Variants in DLG1 observed in about 807,000 individuals in gnomAD.
The protein encoded by DLG1 is discs large MAGUK scaffold protein 1.
In DLG1, 42 loss-of-function variants were observed where a neutral mutation model predicts 123.4. The ratio of observed to expected loss-of-function variants is 0.34; its 90% CI spans 0.27 to 0.44. DLG1 has a LOEUF of 0.44. Ranked by LOEUF, DLG1 falls within the 20% of genes least tolerant of loss-of-function variation. The probability of loss-of-function intolerance (pLI) is 1.00; values close to 1 mark genes in which losing one functional copy is unlikely to be tolerated. For missense variants in DLG1, 942 were observed against 1,082.6 expected, an observed-to-expected ratio of 0.87 and a Z score of 1.82; for synonymous variants, 317 against 356.2, an observed-to-expected ratio of 0.89 and a Z score of 1.24.
chr3:197,178,969 G>C (rs1050942010), intron 5 of DLG1, among the ~76,000 whole-genome samples: 3 of 152,144 alleles, frequency 2.0e-5, no homozygotes, highest in African/African-American at 7.2e-5. Flanking sequence ...AAGAGAGAAA[G>C]GGATTTCAGA....
chr3:197,203,921 G>A (rs1345399762), intron 4 of DLG1, among the ~76,000 whole-genome samples: 2 of 152,156 alleles, frequency 1.3e-5, no homozygotes, highest in Admixed American at 6.5e-5. Flanking sequence ...TTAGGGTAAG[G>A]AAGACAATGA....
intron 15 of DLG1, among the ~76,000 whole-genome samples, chr3:197,088,857 G>C (rs985751825): frequency 6.6e-6 from 1 of 152,176 alleles, no homozygotes; most frequent in African/African-American, 2.4e-5. Context: ...GAAGAAAGGA[G>C]GCAGCTCATA....
At chr3:197,294,163 AT>A (rs1335834971) in intron 3 of DLG1, among the ~76,000 whole-genome samples, 1 of 152,152 alleles carries the variant, frequency 6.6e-6, no homozygotes, top group Non-Finnish European at 1.5e-5. Context: ...CAATTATAGC[AT>A]GGAAACACAC....
intron 4 of DLG1, among the ~76,000 whole-genome samples, chr3:197,258,552 A>G (rs545102545): frequency 3.7e-4 from 56 of 152,208 alleles, no homozygotes; most frequent in Non-Finnish European, 7.1e-4. Context: ...GTGCCTACAC[A>G]AGTGGGAGAG....
intron 24 of DLG1, among the ~76,000 whole-genome samples, chr3:197,047,284 T>G (rs976364000): frequency 2.0e-5 from 3 of 152,186 alleles, no homozygotes; most frequent in Admixed American, 6.5e-5. Flanking sequence ...TGAAACTTAC[T>G]CTCAAGTGTA....
At chr3:197,177,258 C>T (rs1033618475) in intron 5 of DLG1, among the ~76,000 whole-genome samples, 2 of 152,086 alleles carry the variant, frequency 1.3e-5, no homozygotes, top group East Asian at 1.9e-4. Flanking sequence ...AGTACAACAG[C>T]GTTTCCATCC....
intron 18 of DLG1, among the ~76,000 whole-genome samples, chr3:197,073,367 G>A (rs900633963): frequency 6.6e-6 from 1 of 152,142 alleles, no homozygotes; most frequent in Non-Finnish European, 1.5e-5. Context: ...CAAATCTTAT[G>A]TCATAATTTT....
At chr3:197,094,519 A>C (rs977287024) in intron 14 of DLG1, among the ~76,000 whole-genome samples, 1 of 152,200 alleles carries the variant, frequency 6.6e-6, no homozygotes, top group Non-Finnish European at 1.5e-5. Flanking sequence ...AGCAATTAGG[A>C]GGCTTATTCT....
At chr3:197,155,783 GCAA>G (rs1561097214) in intron 5 of DLG1, among the ~76,000 whole-genome samples, 1 of 151,914 alleles carries the variant, frequency 6.6e-6, no homozygotes, top group Non-Finnish European at 1.5e-5. Context: ...AAACAAAACA[GCAA>G]CAACAACAAA....
At chr3:197,173,393 A>G (rs986779695) in intron 5 of DLG1, among the ~76,000 whole-genome samples, 1 of 152,186 alleles carries the variant, frequency 6.6e-6, no homozygotes, top group Non-Finnish European at 1.5e-5. Context: ...TTTGAAAAAG[A>G]TAACACTTTC....
chr3:197,252,977 A>C (rs1755187774), intron 4 of DLG1, among the ~76,000 whole-genome samples: 1 of 152,200 alleles, frequency 6.6e-6, no homozygotes, highest in South Asian at 2.1e-4. Flanking sequence ...TTATGAACTT[A>C]ATCTGAAAAA....
rs185753061 is a variant in DLG1 at position 197,152,294 on chromosome 3, A to G, written c.484-2498T>C. Among the ~76,000 whole-genome samples the G allele has an allele frequency of 3.2e-4, 48 of 152,236 alleles. 1 individual carries two copies. In the East Asian group the frequency reaches 7.7e-3, roughly 25 times the overall value. ...ACAGGGTCACTTGAACCAAGGTGCA[A>G]TGAGGGCTTTTTCTTCATCTGAAAT... On this transcript the variant is annotated intron_variant, in intron 5 of 24. Transcript: ENST00000667157.
intron 6 of DLG1, among the ~76,000 whole-genome samples, chr3:197,147,226 T>C (rs1791262408): frequency 1.3e-5 from 2 of 152,154 alleles, no homozygotes; most frequent in Admixed American, 6.5e-5. Flanking sequence ...TGGAAAACAG[T>C]ACAGAGAGTC....
At position 197,060,102 on chromosome 3, in the gene DLG1, C is replaced by A. The variant is rs183749487; in HGVS notation, c.2374-104G>T. 7.1e-6 allele frequency: 5 copies of A among 703,294 alleles called. No individual in the cohort carries two copies. In the African/African-American group the frequency reaches 7.2e-5, roughly 10 times the overall value. 43.6% of individuals were successfully genotyped at this position (703,294 alleles called of 1,614,324 possible). On this transcript the variant is annotated intron_variant, in intron 22 of 24. Transcript: ENST00000667157. Reference sequence around the variant, plus strand: ...CCACAGTCTAAATCATGATCTGTTTCGATCCTTGTTCACTTTTAGTAAACT... The same window carrying A: ...CCACAGTCTAAATCATGATCTGTTTAGATCCTTGTTCACTTTTAGTAAACT...
rs1773049623 is a variant in DLG1 at position 197,115,932 on chromosome 3, T to C, written c.1438A>G (p.Ile480Val). The change falls in exon 13 of 25, where the codon ATA becomes GTA. Residue 480 changes from isoleucine to valine, a missense_variant. Ile to Val is a conservative substitution (Grantham distance 29). Transcript: ENST00000667157. Reference sequence around the variant, plus strand: ...TCTTGACTAACGTGTCTTACCGATATAATACGATCTCCTTTTCTGAGCTCT... The same window carrying C: ...TCTTGACTAACGTGTCTTACCGATACAATACGATCTCCTTTTCTGAGCTCT... The part of the protein sequence containing the change: ...SGELRKGDRI[I>V]SVNSVDLRAA... 1.2e-6 allele frequency: 2 copies of C among 1,612,140 alleles called. No individual in the cohort carries two copies. The highest frequency in any genetic ancestry group is 2.2e-5 in the East Asian group (1 of 44,714).
intron 4 of DLG1, among the ~76,000 whole-genome samples, chr3:197,257,924 C>A (rs1035190450): frequency 6.6e-6 from 1 of 152,178 alleles, no homozygotes; most frequent in African/African-American, 2.4e-5. Context: ...ATTAACTCCA[C>A]CTCAACGGAC....
At chr3:197,088,695 T>C (rs1755874831) in intron 15 of DLG1, among the ~76,000 whole-genome samples, 1 of 152,202 alleles carries the variant, frequency 6.6e-6, no homozygotes, top group Non-Finnish European at 1.5e-5. Context: ...AAACCTGAAC[T>C]ATCAGACCGT....
Position 197,288,463 on chromosome 3 carries a change from T to C in DLG1, c.152-5618A>G, listed in dbSNP as rs147454037. Among the ~76,000 whole-genome samples, 59 of 150,382 alleles carry C rather than the reference T, an allele frequency of 3.9e-4. 1 individual carries two copies. The East Asian group carries it at 0.012, about 29-fold the overall frequency. ...CTGGCCAGGCACAGTGGTTCATGCATGTAATCCCAGCACTTCGAGAGGCTG... is the reference window on the plus strand; with the variant it reads ...CTGGCCAGGCACAGTGGTTCATGCACGTAATCCCAGCACTTCGAGAGGCTG... On this transcript the variant is annotated intron_variant, in intron 3 of 24. Coordinates refer to ENST00000667157, the MANE Select transcript of DLG1 (RefSeq NM_001366207.1).
intron 4 of DLG1, among the ~76,000 whole-genome samples, chr3:197,239,696 T>C (rs1287409089): frequency 6.6e-6 from 1 of 151,912 alleles, no homozygotes; most frequent in Non-Finnish European, 1.5e-5. Flanking sequence ...ATCAAGAGGA[T>C]TTCCAGTTCC....
Sources: gnomAD v4.1 joint callset for allele counts (sites outside exome capture counted in the v4.1 genomes callset) on GRCh38, gnomAD v4.1.1 for gene constraint, MANE v1.5 for transcripts, NCBI Gene and HGNC (gene_info 2026-07-23, HGNC 2026-07-21) for gene names.